CPVL: variants seen among roughly 807,000 people sequenced by gnomAD.
CPVL encodes the protein probable serine carboxypeptidase CPVL.
CPVL carries 51 observed loss-of-function variants against 63.7 expected under a neutral mutation model. That is an observed-to-expected ratio of 0.80 (90% CI 0.64 to 1.01). The LOEUF (loss-of-function observed/expected upper bound fraction) is 1.01. Among genes scored for constraint, CPVL ranks in the 50% least tolerant of loss-of-function variants. The probability of loss-of-function intolerance (pLI) is 0.00; values close to 1 mark genes in which losing one functional copy is unlikely to be tolerated. For missense variants in CPVL, 530 were observed against 573.1 expected, an observed-to-expected ratio of 0.92 and a Z score of 0.77; for synonymous variants, 195 against 206.0, an observed-to-expected ratio of 0.95 and a Z score of 0.46.
chr7:29,095,664 T>C (rs1023640267), intron 4 of CPVL, among the ~76,000 whole-genome samples: 20 of 151,948 alleles, frequency 1.3e-4, no homozygotes, highest in African/African-American at 4.8e-4. Context: ...TTCTTTATCC[T>C]TCCTCCGCCT....
intron 1 of CPVL, among the ~76,000 whole-genome samples, chr7:29,128,815 T>G (rs1375300006): frequency 6.6e-6 from 1 of 151,962 alleles, no homozygotes; most frequent in East Asian, 1.9e-4. Context: ...AACACATCTC[T>G]GGGTAGATGA....
At chr7:29,137,802 T>G (rs1313739945) in intron 1 of CPVL, among the ~76,000 whole-genome samples, 1 of 152,180 alleles carries the variant, frequency 6.6e-6, no homozygotes, top group Non-Finnish European at 1.5e-5. Flanking sequence ...ATTTAAAAAT[T>G]TGTTATGCAG....
chr7:29,037,005 C>T (rs1002419374), intron 11 of CPVL, among the ~76,000 whole-genome samples: 3 of 152,294 alleles, frequency 2.0e-5, no homozygotes, highest in Middle Eastern at 3.4e-3. Context: ...TCCACATTGC[C>T]TCACTACTGT....
chr7:29,136,906 T>A (rs571378136), intron 1 of CPVL, among the ~76,000 whole-genome samples: 2 of 152,256 alleles, frequency 1.3e-5, no homozygotes, highest in East Asian at 3.9e-4. Flanking sequence ...GGCCCTGCAT[T>A]CCCACAGCCA....
intron 12 of CPVL, among the ~76,000 whole-genome samples, chr7:29,005,690 T>C (rs541684871): frequency 2.5e-4 from 38 of 152,342 alleles, no homozygotes; most frequent in Admixed American, 9.8e-4. Flanking sequence ...TTACTTGTCG[T>C]AGCAGAATGG....
chr7:29,062,532 C>A (rs1782726593), intron 11 of CPVL, among the ~76,000 whole-genome samples: 1 of 152,194 alleles, frequency 6.6e-6, no homozygotes, highest in Admixed American at 6.5e-5. Flanking sequence ...TGGTCTTAAA[C>A]TATTTTCAAC....
chr7:29,189,885 T>C (rs2128753005), intron 1 of CPVL, among the ~76,000 whole-genome samples: 1 of 152,302 alleles, frequency 6.6e-6, no homozygotes, highest in Non-Finnish European at 1.5e-5. Context: ...CTGCGTCGTG[T>C]GCCGCCACTA....
chr7:29,026,590 C>T (rs1320879839), intron 12 of CPVL, among the ~76,000 whole-genome samples: 1 of 151,746 alleles, frequency 6.6e-6, no homozygotes. Flanking sequence ...ATAAACTAGA[C>T]TAGGCTATAC....
chr7:29,057,203 G>A (rs1236216330), intron 11 of CPVL, among the ~76,000 whole-genome samples: 13 of 151,938 alleles, frequency 8.6e-5, no homozygotes, highest in Middle Eastern at 3.4e-3. Flanking sequence ...TGATCCTCTC[G>A]CCTTGGCCTC....
At chr7:29,108,545 C>T (rs1787945397) in intron 3 of CPVL, among the ~76,000 whole-genome samples, 1 of 152,084 alleles carries the variant, frequency 6.6e-6, no homozygotes, top group Admixed American at 6.6e-5. Flanking sequence ...TCATCTGTAA[C>T]CTCTCAAATT....
intron 7 of CPVL, among the ~76,000 whole-genome samples, chr7:29,084,665 GA>G (rs1554336949): frequency 1.3e-5 from 2 of 152,070 alleles, no homozygotes; most frequent in African/African-American, 4.8e-5. Context: ...TAAAAAGGAT[GA>G]AAAAAGCAAA....
chr7:29,031,649 T>C (rs1788032001), intron 11 of CPVL, among the ~76,000 whole-genome samples: 1 of 152,144 alleles, frequency 6.6e-6, no homozygotes, highest in South Asian at 2.1e-4. Context: ...GAATATATTC[T>C]AGGAAAACAG....
At chr7:29,108,074 G>C (rs976586844) in intron 3 of CPVL, among the ~76,000 whole-genome samples, 1 of 152,222 alleles carries the variant, frequency 6.6e-6, no homozygotes, top group African/African-American at 2.4e-5. Context: ...AGGATCCTGA[G>C]AGGGAGCCCT....
chr7:29,059,771 C>T (rs565324196), intron 11 of CPVL, among the ~76,000 whole-genome samples: 10 of 152,248 alleles, frequency 6.6e-5, no homozygotes, highest in Admixed American at 2.6e-4. Flanking sequence ...CAGACTTGTC[C>T]CTATGGAGCC....
At chr7:29,008,513 A>G (rs1785447402) in intron 12 of CPVL, among the ~76,000 whole-genome samples, 1 of 152,232 alleles carries the variant, frequency 6.6e-6, no homozygotes, top group African/African-American at 2.4e-5. Context: ...ATAGCATCTT[A>G]AAACTTTTAA....
intron 11 of CPVL, 56 bp downstream of exon 11, chr7:29,064,005 T>A (rs1782901155): frequency 4.7e-6 from 6 of 1,266,244 alleles, no homozygotes; most frequent in Non-Finnish European, 6.7e-6. Context: ...TACAAATCAC[T>A]TCTGCTCTGG....
intron 12 of CPVL, among the ~76,000 whole-genome samples, chr7:29,016,845 G>A (rs117970327): frequency 4.2e-4 from 64 of 152,226 alleles, no homozygotes; most frequent in Admixed American, 3.0e-3. Flanking sequence ...TATTCCCCAC[G>A]ACCTCTATTT....
chr7:29,192,929 A>G (rs1783080836), intron 1 of CPVL: 2 of 152,350 alleles, frequency 1.3e-5, no homozygotes, highest in African/African-American at 4.8e-5. Context: ...TTTCTATCAG[A>G]AGAACTCTGG....
At chr7:29,147,562 G>A (rs1205110396), upstream of CPVL, among the ~76,000 whole-genome samples, 1 of 152,192 alleles carries the variant, frequency 6.6e-6, no homozygotes, top group South Asian at 2.1e-4. Flanking sequence ...GTTGTTGTGA[G>A]GACTCACTGA....
Sources: gnomAD v4.1 joint callset for allele counts (sites outside exome capture counted in the v4.1 genomes callset) on GRCh38, gnomAD v4.1.1 for gene constraint, MANE v1.5 for transcripts, NCBI Gene and HGNC (gene_info 2026-07-23, HGNC 2026-07-21) for gene names.